LSAMP: variants seen among roughly 807,000 people sequenced by gnomAD.
LSAMP encodes limbic system associated membrane protein.
A neutral mutation model predicts 38.6 loss-of-function variants in LSAMP; 7 were observed. The observed-to-expected ratio is 0.18, with a 90% CI of 0.10 to 0.34. The LOEUF is 0.34. Among genes scored for constraint, LSAMP ranks in the 10% least tolerant of loss-of-function variants. LSAMP has a pLI of 1.00. For synonymous variants in LSAMP, 154 were observed against 166.8 expected, an observed-to-expected ratio of 0.92 and a Z score of 0.59; for missense variants, 313 against 420.0, an observed-to-expected ratio of 0.75 and a Z score of 2.23.
At chr3:116,080,427 A>G (rs1707847210) in intron 2 of LSAMP, among the ~76,000 whole-genome samples, 1 of 152,234 alleles carries the variant, frequency 6.6e-6, no homozygotes, top group African/African-American at 2.4e-5. Flanking sequence ...GTGGATGTAT[A>G]TAGGTTATAT....
intron 1 of LSAMP, among the ~76,000 whole-genome samples, chr3:116,383,649 G>A (rs1265229510): frequency 6.6e-5 from 10 of 151,740 alleles, no homozygotes; most frequent in South Asian, 2.1e-4. Flanking sequence ...ACAAGAAAAC[G>A]AACGAAAAAT....
Position 116,429,115 on chromosome 3 carries a change from T to C in LSAMP, c.155+15762A>G, listed in dbSNP as rs1366644665. 6.6e-5 allele frequency among the ~76,000 whole-genome samples: 10 copies of C among 152,238 alleles called. No homozygotes were observed. The East Asian group carries it at 1.9e-3, about 29-fold the overall frequency. ...CTGGCCCCACAGACAAAGCTGTGCATAAATGCTTCTTTCACTGTAAATACT... is the reference window on the plus strand; with the variant it reads ...CTGGCCCCACAGACAAAGCTGTGCACAAATGCTTCTTTCACTGTAAATACT... On this transcript the variant is annotated intron_variant, in intron 1 of 6. Transcript: ENST00000490035.
chr3:116,274,601 C>G (rs927287108), intron 1 of LSAMP, among the ~76,000 whole-genome samples: 1 of 152,204 alleles, frequency 6.6e-6, no homozygotes, highest in East Asian at 1.9e-4. Flanking sequence ...TTTCTCATCC[C>G]TCCACCTACT....
At chr3:115,912,099 G>A (rs1181202844) in intron 3 of LSAMP, among the ~76,000 whole-genome samples, 3 of 152,068 alleles carry the variant, frequency 2.0e-5, no homozygotes, top group African/African-American at 4.8e-5. Context: ...CTCTCACTCT[G>A]TACCCTGTCT....
chr3:116,186,269 C>G (rs1710614429), intron 1 of LSAMP, among the ~76,000 whole-genome samples: 1 of 152,122 alleles, frequency 6.6e-6, no homozygotes, highest in Non-Finnish European at 1.5e-5. Flanking sequence ...TTTATACCTA[C>G]CCCTCCCTCT....
intron 1 of LSAMP, among the ~76,000 whole-genome samples, chr3:116,175,488 T>C (rs767878168): frequency 2.0e-5 from 3 of 152,078 alleles, no homozygotes; most frequent in Non-Finnish European, 2.9e-5. Context: ...TTATTTGTCC[T>C]ATCTAGTTGT....
At chr3:116,272,904 A>G (rs890755342) in intron 1 of LSAMP, among the ~76,000 whole-genome samples, 5 of 152,176 alleles carry the variant, frequency 3.3e-5, no homozygotes, top group African/African-American at 1.2e-4. Context: ...TCTTTTATGA[A>G]ACGAGCATTT....
chr3:116,378,988 AACAC>A (rs3028640), intron 1 of LSAMP, among the ~76,000 whole-genome samples: 53,512 of 136,808 alleles, frequency 0.39, 11,342 homozygotes, highest in South Asian at 0.58. Flanking sequence ...AATTGCTCAG[AACAC>A]ACACACACAC....
At chr3:116,170,106 CA>C (rs1282367688) in intron 1 of LSAMP, among the ~76,000 whole-genome samples, 1 of 150,926 alleles carries the variant, frequency 6.6e-6, no homozygotes, top group East Asian at 1.9e-4. Flanking sequence ...AAGATGCCAA[CA>C]TTTTTTTAAG....
chr3:116,340,622 T>C (rs2047980027), intron 1 of LSAMP, among the ~76,000 whole-genome samples: 1 of 152,056 alleles, frequency 6.6e-6, no homozygotes, highest in African/African-American at 2.4e-5. Flanking sequence ...ATGCATATAA[T>C]AGTAGTATTT....
intron 6 of LSAMP, among the ~76,000 whole-genome samples, chr3:115,832,860 T>C (rs1934660908): frequency 6.6e-6 from 1 of 152,160 alleles, no homozygotes; most frequent in Non-Finnish European, 1.5e-5. Context: ...TTGTGGGAAA[T>C]ATGAAGTTCA....
intron 2 of LSAMP, among the ~76,000 whole-genome samples, chr3:116,043,900 C>T (rs1016618792): frequency 6.6e-6 from 1 of 152,224 alleles, no homozygotes; most frequent in Non-Finnish European, 1.5e-5. Flanking sequence ...GAGCCAAGAT[C>T]GCGCCGCTGC....
chr3:115,840,503 G>A (rs1435266810), intron 6 of LSAMP, among the ~76,000 whole-genome samples: 1 of 152,198 alleles, frequency 6.6e-6, no homozygotes, highest in Non-Finnish European at 1.5e-5. Flanking sequence ...TTGGAGACAA[G>A]TAAACATGTT....
chr3:116,051,842 G>T (rs1460608595), intron 2 of LSAMP, among the ~76,000 whole-genome samples: 1 of 152,212 alleles, frequency 6.6e-6, no homozygotes, highest in African/African-American at 2.4e-5. Context: ...TGGGGAGGGG[G>T]TGATTTAATT....
intron 1 of LSAMP, among the ~76,000 whole-genome samples, chr3:116,244,498 C>T (rs924745597): frequency 2.0e-5 from 3 of 152,174 alleles, no homozygotes; most frequent in African/African-American, 4.8e-5. Context: ...GGAACCCGTT[C>T]CTGTGTCTGT....
rs570132396 is a variant in LSAMP, at chr3:116,265,645, G to T, written c.156-179089C>A. 2.6e-4 allele frequency among the ~76,000 whole-genome samples: 40 copies of T among 152,254 alleles called. 2 individuals carry two copies. The South Asian group carries it at 6.8e-3, about 26-fold the overall frequency. ...AATGGCGTAACAGCAGTCCCAAGAGGTGGTATATCATCCTCCCCACCTGTG... is the reference window on the plus strand; with the variant it reads ...AATGGCGTAACAGCAGTCCCAAGAGTTGGTATATCATCCTCCCCACCTGTG... On this transcript the variant is annotated intron_variant, in intron 1 of 6. Coordinates refer to ENST00000490035, the MANE Select transcript of LSAMP (RefSeq NM_002338.5).
chr3:115,889,200 C>G (rs1179505584), intron 3 of LSAMP, among the ~76,000 whole-genome samples: 1 of 151,916 alleles, frequency 6.6e-6, no homozygotes, highest in Non-Finnish European at 1.5e-5. Flanking sequence ...TGTTTAAAAA[C>G]TGGATATGAA....
intron 3 of LSAMP, among the ~76,000 whole-genome samples, chr3:115,911,056 G>A (rs1937123155): frequency 6.6e-6 from 1 of 152,184 alleles, no homozygotes. Context: ...TTCTATGCAT[G>A]TAACAAAATA....
intron 1 of LSAMP, among the ~76,000 whole-genome samples, chr3:116,299,789 G>A (rs1366751783): frequency 6.6e-6 from 1 of 152,162 alleles, no homozygotes; most frequent in Non-Finnish European, 1.5e-5. Context: ...CTATATGGAA[G>A]TCCAGTCTTG....
Sources: allele counts gnomAD v4.1 joint callset (sites outside exome capture counted in the v4.1 genomes callset), GRCh38; gene constraint gnomAD v4.1.1; transcripts MANE v1.5; gene names NCBI Gene and HGNC (gene_info 2026-07-23, HGNC 2026-07-21).